Variants in SLC25A21 observed in about 807,000 individuals in gnomAD.
The protein encoded by SLC25A21 is solute carrier family 25 member 21.
In SLC25A21, 47 loss-of-function variants were observed where a neutral mutation model predicts 43.8. That is an observed-to-expected ratio of 1.07 (90% CI 0.85 to 1.37). The LOEUF (loss-of-function observed/expected upper bound fraction) is 1.37, where lower values mean the gene tolerates loss of function less well. Among genes scored for constraint, SLC25A21 ranks in the 40% most tolerant of loss-of-function variants. SLC25A21 has a pLI of 0.00. For missense variants in SLC25A21, 352 were observed against 350.2 expected, an observed-to-expected ratio of 1.00 and a Z score of -0.04; for synonymous variants, 131 against 121.3, an observed-to-expected ratio of 1.08 and a Z score of -0.52.
At chr14:37,101,142 T>C (rs1962809858) in intron 1 of SLC25A21, among the ~76,000 whole-genome samples, 1 of 152,220 alleles carries the variant, frequency 6.6e-6, no homozygotes. Context: ...GCCAAAGAGG[T>C]GTAATAATTT....
At chr14:36,839,158 C>A (rs1345130544) in intron 2 of SLC25A21, among the ~76,000 whole-genome samples, 1 of 152,156 alleles carries the variant, frequency 6.6e-6, no homozygotes, top group Admixed American at 6.5e-5. Flanking sequence ...AATTAAAGTG[C>A]ATTTACAGTC....
rs989743298 is a variant in SLC25A21 at position 37,150,628 on chromosome 14, C to T, written c.70+21653G>A. ...TAACTATATCTGCAGAAAGCTTTTC[C>T]TTTTAAAAAGAAAATAAAAAGCAAA... On this transcript the variant is annotated intron_variant, in intron 1 of 9. Transcript: ENST00000331299. Among the ~76,000 whole-genome samples the T allele has an allele frequency of 3.3e-5, 5 of 152,128 alleles. No individual in the cohort carries two copies. In the South Asian group the frequency reaches 1.0e-3, roughly 32 times the overall value.
At chr14:37,012,516 G>A (rs896216660) in intron 1 of SLC25A21, among the ~76,000 whole-genome samples, 2 of 152,072 alleles carry the variant, frequency 1.3e-5, no homozygotes, top group Non-Finnish European at 1.5e-5. Flanking sequence ...CAGAAAGTAG[G>A]AAATAAATCT....
intron 1 of SLC25A21, among the ~76,000 whole-genome samples, chr14:36,978,522 T>G (rs1566787111): frequency 6.6e-6 from 1 of 152,150 alleles, no homozygotes; most frequent in East Asian, 1.9e-4. Context: ...TGCTAAAAAC[T>G]CAGTATCTGC....
At chr14:36,697,515 A>C (rs1039624958) in intron 7 of SLC25A21, among the ~76,000 whole-genome samples, 5 of 152,092 alleles carry the variant, frequency 3.3e-5, no homozygotes, top group African/African-American at 1.2e-4. Flanking sequence ...TGGGGTGTTA[A>C]AGTCTCCCAT....
intron 5 of SLC25A21, among the ~76,000 whole-genome samples, chr14:36,727,775 C>T (rs999074678): frequency 6.6e-6 from 1 of 152,018 alleles, no homozygotes; most frequent in African/African-American, 2.4e-5. Flanking sequence ...ATGATGTTTC[C>T]ATTTCATCTC....
At chr14:36,823,801 C>A (rs1888721906) in intron 2 of SLC25A21, among the ~76,000 whole-genome samples, 1 of 152,204 alleles carries the variant, frequency 6.6e-6, no homozygotes, top group Non-Finnish European at 1.5e-5. Context: ...TCCCAAGCAA[C>A]CCCCTTGAGT....
chr14:36,981,117 C>T (rs1050458524), intron 1 of SLC25A21, among the ~76,000 whole-genome samples: 3 of 151,474 alleles, frequency 2.0e-5, no homozygotes, highest in African/African-American at 7.3e-5. Flanking sequence ...CAGAGAAATG[C>T]AAATCAAAAA....
intron 1 of SLC25A21, among the ~76,000 whole-genome samples, chr14:36,883,782 AC>A (rs1418900171): frequency 3.3e-4 from 51 of 152,322 alleles, no homozygotes; most frequent in East Asian, 1.9e-4. Flanking sequence ...CAAAGAATCC[AC>A]GATGATAATT....
chr14:36,935,647 G>T (rs1436591214), intron 1 of SLC25A21, among the ~76,000 whole-genome samples: 5 of 151,598 alleles, frequency 3.3e-5, no homozygotes, highest in Non-Finnish European at 7.4e-5. Context: ...GAATATACCA[G>T]GCTACAGCGT....
intron 2 of SLC25A21, among the ~76,000 whole-genome samples, chr14:36,862,666 A>G (rs944214197): frequency 6.6e-6 from 1 of 152,134 alleles, no homozygotes; most frequent in African/African-American, 2.4e-5. Flanking sequence ...GTAAATGACG[A>G]GTTGATGGGT....
At chr14:36,975,565 T>C (rs1385371448) in intron 1 of SLC25A21, among the ~76,000 whole-genome samples, 2 of 152,222 alleles carry the variant, frequency 1.3e-5, no homozygotes, top group Admixed American at 6.5e-5. Flanking sequence ...ACAGAATACA[T>C]ACATTAAAGT....
chr14:36,756,531 C>T (rs531614410), intron 3 of SLC25A21, among the ~76,000 whole-genome samples: 4 of 152,288 alleles, frequency 2.6e-5, no homozygotes, highest in East Asian at 1.9e-4. Context: ...CTCAAGGATG[C>T]GGAAAACACT....
At chr14:36,952,202 G>C (rs1219751644) in intron 1 of SLC25A21, 1 of 153,370 alleles carries the variant, frequency 6.5e-6, no homozygotes, top group Non-Finnish European at 1.5e-5. Context: ...CTGCACTCCA[G>C]CCTGGGCAAT....
intron 1 of SLC25A21, among the ~76,000 whole-genome samples, chr14:36,912,527 T>C (rs555161093): frequency 2.4e-4 from 37 of 152,352 alleles, no homozygotes; most frequent in African/African-American, 8.2e-4. Context: ...GAAGGCATTA[T>C]TGAAGAGCTA....
chr14:37,095,691 A>G (rs1026266200), intron 1 of SLC25A21, among the ~76,000 whole-genome samples: 7 of 151,988 alleles, frequency 4.6e-5, no homozygotes, highest in Non-Finnish European at 7.4e-5. Flanking sequence ...GGAGTTTGAG[A>G]CAAGCCTGGG....
chr14:36,881,044 G>A (rs1228961777), intron 1 of SLC25A21, among the ~76,000 whole-genome samples: 1 of 152,110 alleles, frequency 6.6e-6, no homozygotes, highest in Non-Finnish European at 1.5e-5. Flanking sequence ...ATAGCAATAC[G>A]CATAAAAATA....
intron 1 of SLC25A21, among the ~76,000 whole-genome samples, chr14:37,020,100 T>C (rs763260601): frequency 2.0e-5 from 3 of 151,952 alleles, no homozygotes; most frequent in Non-Finnish European, 4.4e-5. Flanking sequence ...CTCTTATAAA[T>C]AATGTAGTTT....
intron 1 of SLC25A21, among the ~76,000 whole-genome samples, chr14:37,124,853 T>TCCTGCTCCAGCAATGTGAAGATG (rs1963270440): frequency 6.6e-6 from 1 of 152,210 alleles, no homozygotes; most frequent in African/African-American, 2.4e-5. Context: ...TCTCTCTTGC[T>TCCTGCTCCAGCAATGTGAAGATG]CCTGCTCCAG....
Sources: allele counts gnomAD v4.1 joint callset (sites outside exome capture counted in the v4.1 genomes callset), GRCh38; gene constraint gnomAD v4.1.1; transcripts MANE v1.5; gene names NCBI Gene and HGNC (gene_info 2026-07-23, HGNC 2026-07-21).